The following RIMS1 variants were observed in gnomAD, a reference collection of about 807,000 sequenced individuals.
The protein encoded by RIMS1 is regulating synaptic membrane exocytosis protein 1.
A neutral mutation model predicts 214.1 loss-of-function variants in RIMS1; 83 were observed. The observed-to-expected ratio is 0.39, with a 90% CI of 0.32 to 0.47. RIMS1 has a LOEUF of 0.47. Among genes scored for constraint, RIMS1 ranks in the 20% least tolerant of loss-of-function variants. The pLI, the probability that RIMS1 is intolerant of heterozygous loss-of-function variation, is 0.99. For missense variants in RIMS1, 2,050 were observed against 2,161.8 expected (o/e 0.95, Z 1.03); for synonymous variants, 793 against 786.8 (o/e 1.01, Z -0.13).
intron 29 of RIMS1, chr6:72,366,962 T>C: frequency 1.7e-5 from 9 of 529,826 alleles, no homozygotes; most frequent in Non-Finnish European, 2.2e-5. Context: ...CAAATTTCTA[T>C]ATTTGTCTGA....
intron 1 of RIMS1, among the ~76,000 whole-genome samples, chr6:71,903,178 C>T (rs1262771721): frequency 1.3e-5 from 2 of 152,094 alleles, no homozygotes; most frequent in African/African-American, 4.8e-5. Flanking sequence ...TCTGCAACCC[C>T]ACCAGCATCT....
At chr6:72,382,653 G>C (rs1387999109) in intron 29 of RIMS1, among the ~76,000 whole-genome samples, 1 of 152,156 alleles carries the variant, frequency 6.6e-6, no homozygotes, top group African/African-American at 2.4e-5. Context: ...AGACCCTCCA[G>C]TGTTTACTTC....
chr6:72,324,890 A>G (rs988056429), intron 28 of RIMS1, among the ~76,000 whole-genome samples: 1 of 151,910 alleles, frequency 6.6e-6, no homozygotes, highest in Non-Finnish European at 1.5e-5. Context: ...AATATTTACT[A>G]TCTGGCCCTT....
At position 72,179,789 on chromosome 6, in the gene RIMS1, C is replaced by G. The variant is rs924934775; in HGVS notation, c.686C>G (p.Ser229Cys). 3 of 1,613,696 alleles carry G rather than the reference C, an allele frequency of 1.9e-6. No individual in the cohort carries two copies. In the African/African-American group the frequency reaches 4.0e-5, roughly 22 times the overall value. ...QTPLSTAAAS[S>C]QDAAPPSAPP... ...CCCCTAAGCACAGCAGCTGCCTCCT[C>G]CCAGGATGCTGCTCCTCCCAGCGCA... Residue 229 changes from serine to cysteine, a missense_variant, in exon 5 of 34, where the codon TCC becomes TGC. Ser to Cys is a moderately radical substitution (Grantham distance 112). Around this residue, in one of 6 missense-constraint regions of RIMS1, gnomAD observed 882 missense variants for 828.9 expected, o/e 1.06. Coordinates refer to ENST00000521978, the MANE Select transcript of RIMS1 (RefSeq NM_014989.7).
In RIMS1 at chr6:71,967,114, C is replaced by T. The variant is rs145304240; in HGVS notation, c.165-1869C>T. 4.6e-3 allele frequency among the ~76,000 whole-genome samples: 707 copies of T among 152,298 alleles called. 5 individuals carry two copies. The highest frequency in any genetic ancestry group is 0.015 in the African/African-American group (608 of 41,562). On this transcript the variant is annotated intron_variant, in intron 1 of 33. Coordinates refer to ENST00000521978, the MANE Select transcript of RIMS1 (RefSeq NM_014989.7). ...GTAGATTAAAAATGCTGCGGCCAGG[C>T]GCAGTGGCTCACGCCTGTAGTCCCA...
At chr6:72,100,988 C>T (rs72934891) in intron 4 of RIMS1, among the ~76,000 whole-genome samples, 15,152 of 151,856 alleles carry the variant, frequency 0.1, 843 homozygotes, top group African/African-American at 0.14. Flanking sequence ...GTACCATTGA[C>T]TGTATGTGGG....
intron 4 of RIMS1, among the ~76,000 whole-genome samples, chr6:72,144,629 A>AG (rs2042491467): frequency 6.6e-6 from 1 of 152,124 alleles, no homozygotes; most frequent in Non-Finnish European, 1.5e-5. Context: ...CCAAAAAAAA[A>AG]AAGAAGCCTT....
chr6:72,169,008 A>G (rs2046664982), intron 4 of RIMS1, among the ~76,000 whole-genome samples: 6 of 152,102 alleles, frequency 3.9e-5, no homozygotes. Context: ...TTTGAGAAGC[A>G]TGATCATTTC....
At chr6:71,984,580 G>A (rs1322508209) in intron 2 of RIMS1, among the ~76,000 whole-genome samples, 1 of 152,078 alleles carries the variant, frequency 6.6e-6, no homozygotes, top group Non-Finnish European at 1.5e-5. Context: ...TTTGTGCTTT[G>A]AGAAAATTAA....
chr6:72,073,319 A>G (rs1386850179), intron 2 of RIMS1, among the ~76,000 whole-genome samples: 1 of 152,188 alleles, frequency 6.6e-6, no homozygotes. Context: ...AATGCAAATC[A>G]TATCCTTGCC....
intron 1 of RIMS1, among the ~76,000 whole-genome samples, chr6:71,956,094 AT>A (rs776442750): frequency 2.3e-4 from 34 of 148,216 alleles, no homozygotes; most frequent in African/African-American, 4.2e-4. Context: ...TGCCTAAAAA[AT>A]ATATATATAT....
intron 22 of RIMS1, among the ~76,000 whole-genome samples, chr6:72,273,538 A>G (rs2084546281): frequency 6.6e-6 from 1 of 152,174 alleles, no homozygotes; most frequent in Non-Finnish European, 1.5e-5. Context: ...TAACAAAGGA[A>G]TGAAACAGTT....
At chr6:72,315,631 A>G (rs1419608326) in intron 28 of RIMS1, among the ~76,000 whole-genome samples, 1 of 152,188 alleles carries the variant, frequency 6.6e-6, no homozygotes, top group Non-Finnish European at 1.5e-5. Flanking sequence ...TTCGTAGACT[A>G]GTTATCCCTT....
At position 72,152,372 on chromosome 6, in the gene RIMS1, C is replaced by T. The variant is rs922939264; in HGVS notation, c.472-27203C>T. Among the ~76,000 whole-genome samples the T allele has an allele frequency of 6.8e-4, 103 of 152,154 alleles. 1 individual carries two copies. The highest frequency in any genetic ancestry group is 2.4e-3 in the African/African-American group (101 of 41,418). On this transcript the variant is annotated intron_variant, in intron 4 of 33. Coordinates refer to ENST00000521978, the MANE Select transcript of RIMS1 (RefSeq NM_014989.7). ...ACTGAAGCAGAGAACAGTTGGGTAG[C>T]TTGTCTAAGATCACAATTGGTTAAG...
chr6:72,027,631 T>A, intron 2 of RIMS1, among the ~76,000 whole-genome samples: 1 of 152,120 alleles, frequency 6.6e-6, no homozygotes, highest in East Asian at 1.9e-4. Context: ...TCTCTCTTCA[T>A]TTAAAACAAC....
chr6:72,382,943 G>T (rs910178729), intron 29 of RIMS1, among the ~76,000 whole-genome samples: 2 of 152,150 alleles, frequency 1.3e-5, no homozygotes, highest in African/African-American at 4.8e-5. Flanking sequence ...GACTACATTG[G>T]TGCTGTTTTG....
chr6:72,042,871 A>G (rs1182967674), intron 2 of RIMS1, among the ~76,000 whole-genome samples: 1 of 151,876 alleles, frequency 6.6e-6, no homozygotes, highest in South Asian at 2.1e-4. Context: ...TAAAATGACC[A>G]CCCACAATAC....
chr6:72,142,807 T>C (rs2042233562), intron 4 of RIMS1, among the ~76,000 whole-genome samples: 1 of 152,068 alleles, frequency 6.6e-6, no homozygotes, highest in Non-Finnish European at 1.5e-5. Flanking sequence ...AACTTGAAGA[T>C]AGATGACATT....
At chr6:72,257,829 A>G (rs534906698) in intron 16 of RIMS1, among the ~76,000 whole-genome samples, 1 of 152,152 alleles carries the variant, frequency 6.6e-6, no homozygotes, top group Non-Finnish European at 1.5e-5. Flanking sequence ...CTCGTTCATT[A>G]TTTAAATTGA....
Sources: gnomAD v4.1 joint callset for allele counts (sites outside exome capture counted in the v4.1 genomes callset) on GRCh38, gnomAD v4.1.1 for gene constraint, gnomAD v4.1.1 regional missense constraint, MANE v1.5 for transcripts, NCBI Gene and HGNC (gene_info 2026-07-23, HGNC 2026-07-21) for gene names.